Variants in WDR5 observed in about 807,000 individuals in gnomAD.
WDR5 encodes WD repeat domain 5, also known as WD repeat-containing protein 5.
For synonymous variants in WDR5, 144 were observed against 161.6 expected (o/e 0.89, Z 0.83); for missense variants, 187 against 416.9 (o/e 0.45, Z 4.80).
chr9:134,151,930 G>C (rs35709000), intron 8 of WDR5, 53 bp from the exon 9 acceptor site: 29,585 of 1,579,996 alleles, frequency 0.019, 985 homozygotes, highest in African/African-American at 0.14. Context: ...CCAGCAGCCC[G>C]CGTGAGATCA....
Position 134,157,840 on chromosome 9 carries a change from C to A in WDR5, c.905-53C>A, listed in dbSNP as rs1257247525. On this transcript the variant is annotated intron_variant, in intron 13 of 13. Coordinates refer to ENST00000358625, the MANE Select transcript of WDR5 (RefSeq NM_017588.3). The surrounding 1 kb of genome is among the most constrained non-coding windows in gnomAD (Gnocchi z 5.0). ...GGTGGAGCTCAGTCTGGGATGGCGT[C>A]CCCGACCCAGGCGCAGGGATGGCTC... 6 of 1,574,856 alleles carry A rather than the reference C, an allele frequency of 3.8e-6. No individual in the cohort carries two copies. The highest frequency in any genetic ancestry group is 2.2e-5 in the South Asian group (2 of 90,080).
chr9:134,154,355 TG>T, intron 9 of WDR5, 110 bp from the exon 10 acceptor site: 1 of 1,093,846 alleles, frequency 9.1e-7, no homozygotes, highest in Non-Finnish European at 1.4e-6. Context: ...CTGATGGTGG[TG>T]GCCGACCTCA....
chr9:134,155,440 G>T (rs542274427), intron 11 of WDR5, 67 bp downstream of exon 11: 1 of 1,531,506 alleles, frequency 6.5e-7, no homozygotes, highest in Non-Finnish European at 8.8e-7. Flanking sequence ...GGTGGGGACA[G>T]AGCTGGCCCC....
intron 1 of WDR5, among the ~76,000 whole-genome samples, chr9:134,138,177 CTGT>C (rs1831675653): frequency 6.6e-6 from 1 of 152,230 alleles, no homozygotes; most frequent in Non-Finnish European, 1.5e-5. Context: ...GACCGCCTAT[CTGT>C]TGTTCCTCCT....
intron 1 of WDR5, among the ~76,000 whole-genome samples, chr9:134,138,968 T>C (rs1269267249): frequency 6.6e-6 from 1 of 152,236 alleles, no homozygotes; most frequent in Non-Finnish European, 1.5e-5. Flanking sequence ...ATGAGATGTA[T>C]TGAAGTAATG....
chr9:134,142,058 T>C lies in WDR5; in HGVS notation c.354+20T>C, dbSNP rs769608286. The C allele has an allele frequency of 1.3e-5, 21 of 1,611,284 alleles. No individual in the cohort carries two copies. The South Asian group carries it at 2.2e-4, about 17-fold the overall frequency. ...AGCTCGGTAAGTGACACTCAGTGCTTCTCTCCAGGGGAGACCGGCTGCAGG... is the reference window on the plus strand; with the variant it reads ...AGCTCGGTAAGTGACACTCAGTGCTCCTCTCCAGGGGAGACCGGCTGCAGG... On this transcript the variant is annotated intron_variant, in intron 5 of 13. Transcript: ENST00000358625.
rs148939547 is a variant in WDR5 at position 134,157,718 on chromosome 9, C to T, written c.905-175C>T. Reference sequence around the variant, plus strand: ...TGGTACCGGCTGCTGTCCCCTCGCTCCCCTCCCCTGGGCTCCCTGTGTCGA... The same window carrying T: ...TGGTACCGGCTGCTGTCCCCTCGCTTCCCTCCCCTGGGCTCCCTGTGTCGA... On this transcript the variant is annotated intron_variant, in intron 13 of 13. Coordinates refer to ENST00000358625, the MANE Select transcript of WDR5 (RefSeq NM_017588.3). The surrounding 1 kb of genome is among the most constrained non-coding windows in gnomAD (Gnocchi z 5.0). 0.022 allele frequency among the ~76,000 whole-genome samples: 3,374 copies of T among 152,204 alleles called. 61 individuals carry two copies. Among genetic ancestry groups the T allele is most frequent in the Middle Eastern group, 0.034 (10 of 294 alleles).
intron 1 of WDR5, among the ~76,000 whole-genome samples, chr9:134,138,743 T>C (rs1831717990): frequency 1.3e-5 from 2 of 152,216 alleles, no homozygotes; most frequent in Admixed American, 1.3e-4. Context: ...AGACATGCTT[T>C]TTAATGCCTT....
intron 4 of WDR5, 108 bp downstream of exon 4, chr9:134,141,691 C>A: frequency 8.1e-7 from 1 of 1,236,864 alleles, no homozygotes; most frequent in East Asian, 2.4e-5. Flanking sequence ...TAAGTTTTCC[C>A]CGTTTTTTAA....
rs56864188 is a variant in WDR5 at position 134,145,096 on chromosome 9, G to GTTTTTTTTTTTTTTTT, written c.528+2382_528+2397dup. Among the ~76,000 whole-genome samples, 10 of 104,720 alleles carry GTTTTTTTTTTTTTTTT rather than the reference G, an allele frequency of 9.5e-5. 1 individual carries two copies. The highest frequency in any genetic ancestry group is 3.1e-4 in the African/African-American group (9 of 29,160). The allele number at this position is 104,720 out of a possible 152,430, so 68.7% of individuals were successfully genotyped here. ...ACTGCAGAGAGGTTTGTGGGGCTTTGTTTTTTTTTTTTTTTTTTTTGAAAC... is the reference window on the plus strand; with the variant it reads ...ACTGCAGAGAGGTTTGTGGGGCTTTGTTTTTTTTTTTTTTTTTTTTTTTTTTTTTTTTTTTTGAAAC... On this transcript the variant is annotated intron_variant, in intron 7 of 13. Transcript: ENST00000358625.
intron 12 of WDR5, 74 bp from the exon 13 acceptor site, chr9:134,156,432 A>G: frequency 1.7e-4 from 243 of 1,389,710 alleles, no homozygotes; most frequent in Non-Finnish European, 2.3e-4. Flanking sequence ...ATAACTGGAG[A>G]TTCTCTCCCT....
At chr9:134,151,330 C>T (rs1375889698) in intron 8 of WDR5, among the ~76,000 whole-genome samples, 5 of 152,048 alleles carry the variant, frequency 3.3e-5, no homozygotes, top group East Asian at 1.9e-4. Flanking sequence ...TGGGAGGGAC[C>T]GTGCATGGCG....
upstream of WDR5, chr9:134,135,720 G>A (rs1374500383): frequency 2.6e-5 from 4 of 152,122 alleles, no homozygotes; most frequent in Admixed American, 1.3e-4. Flanking sequence ...GAGGTGCCCC[G>A]GCCCGAATCG....
chr9:134,143,873 A>C (rs1832030252), intron 7 of WDR5, among the ~76,000 whole-genome samples: 1 of 151,892 alleles, frequency 6.6e-6, no homozygotes, highest in African/African-American at 2.4e-5. Flanking sequence ...GAGTTAAACT[A>C]CACAGTATCA....
intron 1 of WDR5, 41 bp downstream of exon 1, chr9:134,136,241 C>G (rs1831544436): frequency 6.7e-6 from 1 of 148,530 alleles, no homozygotes; most frequent in Non-Finnish European, 1.5e-5. Context: ...ACAAGGCGGG[C>G]AGCGGGGCGG....
At chr9:134,154,376 C>T (rs569627813) in intron 9 of WDR5, 90 bp from the exon 10 acceptor site, 34 of 1,346,868 alleles carry the variant, frequency 2.5e-5, no homozygotes, top group Non-Finnish European at 3.4e-5. Context: ...ACTCAGATGT[C>T]GCACGTGGGG....
chr9:134,145,791 G>A (rs1056007819), intron 7 of WDR5, among the ~76,000 whole-genome samples: 5 of 152,038 alleles, frequency 3.3e-5, no homozygotes, highest in African/African-American at 7.2e-5. Flanking sequence ...CCTTGCACCC[G>A]GGACCTGTGT....
rs1224040135 is a variant in WDR5, at chr9:134,156,502, G to A, written c.817-4G>A. The A allele has an allele frequency of 1.5e-5, 24 of 1,613,970 alleles. No individual in the cohort carries two copies. Among genetic ancestry groups the A allele is most frequent in the African/African-American group, 2.7e-5 (2 of 74,928 alleles). On this transcript the variant is annotated splice_polypyrimidine_tract_variant and splice_region_variant and intron_variant, in intron 12 of 13. Transcript: ENST00000358625. ...CCCTGTTTTCCCTGCTTGTTGTTAC[G>A]TAGTGGATTGTGTCTGGCTCAGAGG...
chr9:134,154,724 C>T (rs1201692628), intron 10 of WDR5, among the ~76,000 whole-genome samples, 183 bp downstream of exon 10: 1 of 152,218 alleles, frequency 6.6e-6, no homozygotes, highest in Admixed American at 6.5e-5. Context: ...TCCATCCCTT[C>T]CCGAGGCTGA....
Sources: gnomAD v4.1 joint callset for allele counts (sites outside exome capture counted in the v4.1 genomes callset) on GRCh38, gnomAD v4.1.1 for gene constraint, Gnocchi (gnomAD v3.1) non-coding constraint, MANE v1.5 for transcripts, NCBI Gene and HGNC (gene_info 2026-07-23, HGNC 2026-07-21) for gene names.